SIN3B: variants seen among roughly 807,000 people sequenced by gnomAD.
SIN3B encodes SIN3 transcription regulator family member B.
A neutral mutation model predicts 120.2 loss-of-function variants in SIN3B; 19 were observed. The ratio of observed to expected loss-of-function variants is 0.16; its 90% CI spans 0.11 to 0.23. The LOEUF (loss-of-function observed/expected upper bound fraction) is 0.23, where lower values mean the gene tolerates loss of function less well. Ranked by LOEUF, SIN3B falls within the 10% of genes least tolerant of loss-of-function variation. The pLI, the probability that SIN3B is intolerant of heterozygous loss-of-function variation, is 1.00. For synonymous variants in SIN3B, 654 were observed against 653.2 expected (o/e 1.00, Z -0.02); for missense variants, 1,073 against 1,573.0 (o/e 0.68, Z 5.38).
In SIN3B at chr19:16,871,383, G is replaced by A. The variant is rs1412995489; in HGVS notation, c.2577G>A (p.Gln859=). 6.2e-7 allele frequency: 1 copy of A among 1,609,970 alleles called. No individual in the cohort carries two copies. Among genetic ancestry groups the A allele is most frequent in the African/African-American group, 1.3e-5 (1 of 74,848 alleles). ...GCTTCACCATGGACAAGCTGGTGCA[G>A]AACATTGCGCGGCAGGTGAGCCGGG... ...YVGFTMDKLV[Q]NIARQLHHLV... The change falls in exon 14 of 19, where the codon CAG becomes CAA. Residue 859 remains glutamine (Q), a synonymous_variant. Transcript: ENST00000248054.
At chr19:16,843,826 C>T (rs1217842972) in intron 4 of SIN3B, among the ~76,000 whole-genome samples, 2 of 148,266 alleles carry the variant, frequency 1.3e-5, no homozygotes, top group African/African-American at 2.5e-5. Context: ...CATCAGGGCC[C>T]GCCCGGCATC....
At position 16,843,300 on chromosome 19, in the gene SIN3B, A is replaced by T. The variant is rs116320841; in HGVS notation, c.582+1332A>T. Among the ~76,000 whole-genome samples the T allele has an allele frequency of 4.1e-3, 627 of 152,336 alleles. 3 individuals carry two copies. The highest frequency in any genetic ancestry group is 0.014 in the African/African-American group (564 of 41,576). ...CCATTTTTTAAAATGAAATCCCTGC[A>T]GCCTTGACATGTCGAGTCAAGAAGC... On this transcript the variant is annotated intron_variant, in intron 4 of 18. Coordinates refer to ENST00000248054, the MANE Select transcript of SIN3B (RefSeq NM_001297595.2).
At chr19:16,877,805 T>C (rs1353834438) in intron 17 of SIN3B, among the ~76,000 whole-genome samples, 166 bp downstream of exon 17, 2 of 152,056 alleles carry the variant, frequency 1.3e-5, no homozygotes, top group Admixed American at 6.5e-5. Context: ...TGGTTTGCAG[T>C]GGAGGGATTA....
chr19:16,829,673 C>T (rs1971253084), intron 1 of SIN3B, 118 bp from the exon 2 acceptor site: 3 of 1,253,742 alleles, frequency 2.4e-6, no homozygotes, highest in Non-Finnish European at 3.3e-6. Flanking sequence ...CCCCTCACCC[C>T]TCACCTCTCA....
chr19:16,863,005 C>T (rs1249456048), intron 9 of SIN3B: 1 of 1,523,326 alleles, frequency 6.6e-7, no homozygotes, highest in African/African-American at 1.4e-5. Context: ...CCCACGGGCC[C>T]TGGCCCGCTG....
Position 16,871,209 on chromosome 19 carries a change from G to A in SIN3B, c.2423-20G>A. ...TGCGCTCTCCAGGAGGCATATGGAT[G>A]AGGCGGTGTGTCTCCGCAGGTGAAG... is the stretch of plus-strand genomic sequence containing the variant. On this transcript the variant is annotated intron_variant, in intron 13 of 18. Coordinates refer to ENST00000248054, the MANE Select transcript of SIN3B (RefSeq NM_001297595.2). 1 of 1,613,972 alleles carries A rather than the reference G, an allele frequency of 6.2e-7. No homozygotes were observed. The highest frequency in any genetic ancestry group is 8.5e-7 in the Non-Finnish European group (1 of 1,179,870).
chr19:16,861,808 G>A (rs1408533646), intron 8 of SIN3B, among the ~76,000 whole-genome samples: 1 of 151,914 alleles, frequency 6.6e-6, no homozygotes, highest in African/African-American at 2.4e-5. Flanking sequence ...GGTGGCACAT[G>A]CCTGTGGTCC....
Position 16,866,331 on chromosome 19 carries a change from G to A in SIN3B, c.1623-42G>A, listed in dbSNP as rs754489987. On this transcript the variant is annotated intron_variant, in intron 11 of 18. Transcript: ENST00000248054. Reference sequence around the variant, plus strand: ...AGCCCTGGGATGCTTCAGGGAGGATGCCCTGGCTTGTCCCTGGTGCTGACC... The same window carrying A: ...AGCCCTGGGATGCTTCAGGGAGGATACCCTGGCTTGTCCCTGGTGCTGACC... 9 of 1,571,798 alleles carry A rather than the reference G, an allele frequency of 5.7e-6. No homozygotes were observed. In the African/African-American group the frequency reaches 9.5e-5, roughly 17 times the overall value.
intron 3 of SIN3B, among the ~76,000 whole-genome samples, chr19:16,833,183 T>C (rs1264243588): frequency 6.6e-6 from 1 of 152,228 alleles, no homozygotes; most frequent in Non-Finnish European, 1.5e-5. Context: ...CAGAATCTAC[T>C]GCTGGAAGCA....
intron 8 of SIN3B, among the ~76,000 whole-genome samples, chr19:16,856,846 A>C (rs1376227176): frequency 6.6e-6 from 1 of 152,184 alleles, no homozygotes; most frequent in Non-Finnish European, 1.5e-5. Flanking sequence ...TGCTGAGATT[A>C]TGGGCGTGAG....
chr19:16,846,805 A>G (rs1971484913), intron 4 of SIN3B, among the ~76,000 whole-genome samples, 165 bp from the exon 5 acceptor site: 1 of 152,158 alleles, frequency 6.6e-6, no homozygotes, highest in Non-Finnish European at 1.5e-5. Flanking sequence ...GGCTCAGGCC[A>G]TGCTGGGCAG....
chr19:16,852,350 A>AC (rs1411188863), intron 6 of SIN3B, among the ~76,000 whole-genome samples: 1 of 152,030 alleles, frequency 6.6e-6, no homozygotes, highest in Non-Finnish European at 1.5e-5. Context: ...GTCAGCCTTG[A>AC]CCTCTGGGCT....
At position 16,876,499 on chromosome 19, in the gene SIN3B, A is replaced by G. The variant is rs1230434678; in HGVS notation, c.2780A>G (p.Gln927Arg). The G allele has an allele frequency of 1.2e-6, 2 of 1,613,164 alleles. No individual in the cohort carries two copies. The highest frequency in any genetic ancestry group is 2.7e-5 in the African/African-American group (2 of 74,946). Residue 927 changes from glutamine (Q) to arginine (R), a missense_variant, in exon 16 of 19, where the codon CAG becomes CGG. Transcript: ENST00000248054. This position sits in a 1 kb window ranked among gnomAD's most constrained non-coding sequence, Gnocchi z 7.1. ...CCTGCTCCGCAGGTGATGTTCCTGC[A>G]GCGCAAAGGGCAGGTGATCATGACC... Reference protein sequence around the residue: ...DENCFKVMFLQRKGQVIMTIE... With the variant: ...DENCFKVMFLRRKGQVIMTIE...
rs561701576 is a variant in SIN3B at position 16,869,229 on chromosome 19, G to C, written c.1807-231G>C. 9.2e-5 allele frequency among the ~76,000 whole-genome samples: 14 copies of C among 152,268 alleles called. No homozygotes were observed. The South Asian group carries it at 1.9e-3, about 20-fold the overall frequency. On this transcript the variant is annotated intron_variant, in intron 12 of 18. Coordinates refer to ENST00000248054, the MANE Select transcript of SIN3B (RefSeq NM_001297595.2). ...TGTCTGGGGTCCCGGGATGACTTGG[G>C]TCTGCCTCACTTTCGGAGAGGGGAC...
At chr19:16,872,952 C>T (rs1370194608) in intron 14 of SIN3B, among the ~76,000 whole-genome samples, 9 of 152,132 alleles carry the variant, frequency 5.9e-5, no homozygotes, top group South Asian at 2.1e-4. Flanking sequence ...GGTGTGTCTG[C>T]GGTGGCCGTC....
At chr19:16,830,167 C>G (rs1971261733) in intron 2 of SIN3B, among the ~76,000 whole-genome samples, 1 of 152,208 alleles carries the variant, frequency 6.6e-6, no homozygotes, top group Non-Finnish European at 1.5e-5. Flanking sequence ...GAGTCAAATC[C>G]TGCCTTGATT....
rs10528185 is a variant in SIN3B at position 16,832,191 on chromosome 19, C to CTTTTT, written c.381+563_381+567dup. ...TTCTTGGGTGATAGGTGCTGGCCCT[C>CTTTTT]TTTTTTTTTTTTTTTTTTTTTTTGG... On this transcript the variant is annotated intron_variant, in intron 3 of 18. Transcript: ENST00000248054. 5.2e-4 allele frequency among the ~76,000 whole-genome samples: 65 copies of CTTTTT among 125,436 alleles called. 1 individual carries two copies. The highest frequency in any genetic ancestry group is 8.0e-4 in the Non-Finnish European group (48 of 59,834). The allele number at this position is 125,436 out of a possible 152,430, so 82.3% of individuals were successfully genotyped here.
chr19:16,870,390 T>G (rs2051494956), intron 13 of SIN3B, among the ~76,000 whole-genome samples: 1 of 149,006 alleles, frequency 6.7e-6, no homozygotes, highest in African/African-American at 2.4e-5. Flanking sequence ...TTTCTTTCTT[T>G]TTTTTTTTTT....
chr19:16,835,495 CTTT>C (rs35239779), intron 3 of SIN3B, among the ~76,000 whole-genome samples: 36 of 136,286 alleles, frequency 2.6e-4, no homozygotes, highest in Admixed American at 2.9e-4. Context: ...TCCCAAAGTT[CTTT>C]TTTTTTTTTT....
Sources: gnomAD v4.1 joint callset for allele counts (sites outside exome capture counted in the v4.1 genomes callset) on GRCh38, gnomAD v4.1.1 for gene constraint, Gnocchi (gnomAD v3.1) non-coding constraint, MANE v1.5 for transcripts, NCBI Gene and HGNC (gene_info 2026-07-23, HGNC 2026-07-21) for gene names.